Variants in HMCN1 observed in about 807,000 individuals in gnomAD.
HMCN1 encodes hemicentin-1.
Under a neutral mutation model 625.9 loss-of-function variants are expected in HMCN1, and 321 were observed. That is an observed-to-expected ratio of 0.51 (90% confidence interval 0.47 to 0.56). The LOEUF (loss-of-function observed/expected upper bound fraction) is 0.56, where lower values mean the gene tolerates loss of function less well. Among genes scored for constraint, HMCN1 ranks in the 20% least tolerant of loss-of-function variants. The probability of loss-of-function intolerance (pLI) is 0.00; values close to 1 mark genes in which losing one functional copy is unlikely to be tolerated. For synonymous variants in HMCN1, 2,425 were observed against 2,417.6 expected (o/e 1.00, Z -0.09); for missense variants, 6,588 against 6,887.3 (o/e 0.96, Z 1.54).
At chr1:185,891,266 A>G (rs1461132824) in intron 4 of HMCN1, among the ~76,000 whole-genome samples, 5 of 138,874 alleles carry the variant, frequency 3.6e-5, no homozygotes, top group African/African-American at 6.4e-5. Flanking sequence ...TCTTTATCCA[A>G]TTTGCCAGTC....
chr1:186,152,943 A>G, intron 96 of HMCN1, 72 bp downstream of exon 96: 1 of 1,577,070 alleles, frequency 6.3e-7, no homozygotes, highest in Non-Finnish European at 8.7e-7. Context: ...TAGAATGAGC[A>G]CAGATAACTT....
At chr1:186,033,064 GCA>G (rs61063202) in intron 36 of HMCN1, among the ~76,000 whole-genome samples, 16,835 of 139,548 alleles carry the variant, frequency 0.12, 1,747 homozygotes, top group African/African-American at 0.29. Flanking sequence ...ATACACACAC[GCA>G]CACACACACA....
chr1:186,078,591 T>C (rs949673304), intron 55 of HMCN1, among the ~76,000 whole-genome samples: 1 of 152,200 alleles, frequency 6.6e-6, no homozygotes, highest in Non-Finnish European at 1.5e-5. Context: ...GGGAGGGGGA[T>C]CCCCTTGGAT....
At chr1:185,935,665 A>G (rs1667776727) in intron 11 of HMCN1, among the ~76,000 whole-genome samples, 1 of 152,128 alleles carries the variant, frequency 6.6e-6, no homozygotes, top group Non-Finnish European at 1.5e-5. Flanking sequence ...TAGAGGTGTT[A>G]TTTTATGGCC....
intron 46 of HMCN1, among the ~76,000 whole-genome samples, chr1:186,060,203 A>G (rs1007927838): frequency 6.6e-6 from 1 of 152,064 alleles, no homozygotes; most frequent in Admixed American, 6.6e-5. Flanking sequence ...AAAAAGTTCA[A>G]TGTCAGCTTG....
chr1:185,823,938 A>T (rs1660353170), intron 1 of HMCN1, among the ~76,000 whole-genome samples: 1 of 152,124 alleles, frequency 6.6e-6, no homozygotes. Flanking sequence ...AACATATCTG[A>T]GCACTTTGGA....
At chr1:186,178,860 T>A in intron 104 of HMCN1, 94 bp downstream of exon 104, 1 of 888,642 alleles carries the variant, frequency 1.1e-6, no homozygotes, top group Non-Finnish European at 1.9e-6. Flanking sequence ...TGCAGTGAAC[T>A]ACATCTGATC....
chr1:186,045,991 C>CTTTT (rs1453351830), intron 41 of HMCN1, 128 bp downstream of exon 41: 1 of 697,870 alleles, frequency 1.4e-6, no homozygotes, highest in African/African-American at 1.8e-5. Flanking sequence ...TCTAGGAACC[C>CTTTT]TTTTATTGAT....
chr1:185,933,439 A>G (rs1161845421), intron 10 of HMCN1, 110 bp from the exon 11 acceptor site: 2 of 1,046,116 alleles, frequency 1.9e-6, no homozygotes, highest in East Asian at 2.5e-5. Context: ...GTTGCACTGC[A>G]TCTTTCCTAC....
chr1:186,045,797 A>T lies in HMCN1; in HGVS notation c.6414A>T (p.Leu2138Phe). ...DAIPPPTLTW[L>F]KDGHPLLKKP... ...TTCCCCCACCTACTCTTACTTGGTT[A>T]AAAGACGGCCACCCCTTGCTGAAGA... The change falls in exon 41 of 107, where the codon TTA (leucine) becomes TTT (phenylalanine). Residue 2138 changes from leucine (L) to phenylalanine (F), a missense_variant. By Grantham distance (22) the Leu-to-Phe change is conservative (BLOSUM62 0). This residue lies in a region of HMCN1 where 4,628 missense variants were observed against 4,853.1 expected (regional missense o/e 0.95). Coordinates refer to ENST00000271588, the MANE Select transcript of HMCN1 (RefSeq NM_031935.3). 1 of 1,613,164 alleles carries T rather than the reference A, an allele frequency of 6.2e-7. No homozygotes were observed. The highest frequency in any genetic ancestry group is 8.5e-7 in the Non-Finnish European group (1 of 1,179,298).
intron 71 of HMCN1, among the ~76,000 whole-genome samples, chr1:186,109,556 T>A (rs1031017130): frequency 2.6e-5 from 4 of 152,280 alleles, no homozygotes; most frequent in African/African-American, 4.8e-5. Context: ...GTAAATTGTA[T>A]ATTAGAAGGA....
intron 93 of HMCN1, 142 bp downstream of exon 93, chr1:186,146,065 G>A (rs1028875113): frequency 6.0e-6 from 5 of 833,960 alleles, no homozygotes; most frequent in African/African-American, 1.7e-5. Flanking sequence ...CTCCTAATTG[G>A]TACAGTTCTG....
At chr1:185,999,419 AT>A (rs941008728) in intron 25 of HMCN1, among the ~76,000 whole-genome samples, 7 of 151,994 alleles carry the variant, frequency 4.6e-5, no homozygotes, top group African/African-American at 1.7e-4. Context: ...AGAGTACATC[AT>A]TTCCATTCAT....
In HMCN1 at chr1:186,112,850, C is replaced by T; in HGVS notation, c.11028C>T (p.Tyr3676=). The change falls in exon 72 of 107, where the codon TAC becomes TAT. Residue 3676 remains tyrosine (Y), a synonymous_variant. Transcript: ENST00000271588. ...TGCGAATCCTATCTGGAGGGAGATACTTGCAAATCAACAATGCTGACCTAG... is the reference window on the plus strand; with the variant it reads ...TGCGAATCCTATCTGGAGGGAGATATTTGCAAATCAACAATGCTGACCTAG... The part of the protein sequence containing the change: ...PRVRILSGGR[Y]LQINNADLGD... 3.7e-6 allele frequency: 6 copies of T among 1,614,192 alleles called. No individual in the cohort carries two copies. Among genetic ancestry groups the T allele is most frequent in the Non-Finnish European group, 5.1e-6 (6 of 1,180,020 alleles).
At chr1:186,007,046 G>A in intron 29 of HMCN1, 82 bp from the exon 30 acceptor site, 7 of 1,030,712 alleles carry the variant, frequency 6.8e-6, no homozygotes, top group South Asian at 6.4e-5. Flanking sequence ...TTTTTAGCCT[G>A]TACTAATGAT....
chr1:186,061,821 T>A, intron 46 of HMCN1, 30 bp from the exon 47 acceptor site: 4 of 1,465,040 alleles, frequency 2.7e-6, no homozygotes, highest in Non-Finnish European at 3.8e-6. Context: ...TCTTTTTAAG[T>A]TATCTTAAAA....
chr1:185,831,914 G>T lies in HMCN1; in HGVS notation c.269-14112G>T, dbSNP rs893007394. ...ACACTATAGAAAGCCTCAACATCTT[G>T]TCAGTTTCTCCTAATTGATTGTATA... On this transcript the variant is annotated intron_variant, in intron 1 of 106. Coordinates refer to ENST00000271588, the MANE Select transcript of HMCN1 (RefSeq NM_031935.3). 2.0e-5 allele frequency among the ~76,000 whole-genome samples: 3 copies of T among 152,198 alleles called. No individual in the cohort carries two copies. In the South Asian group the frequency reaches 6.2e-4, roughly 32 times the overall value.
intron 89 of HMCN1, among the ~76,000 whole-genome samples, chr1:186,138,783 C>G (rs1398182444): frequency 2.0e-5 from 3 of 152,262 alleles, no homozygotes; most frequent in Admixed American, 1.3e-4. Flanking sequence ...TACCCCTGAA[C>G]TCAAGTGAGT....
At chr1:185,832,292 A>C (rs1210519076) in intron 1 of HMCN1, among the ~76,000 whole-genome samples, 2 of 152,110 alleles carry the variant, frequency 1.3e-5, no homozygotes, top group East Asian at 3.9e-4. Context: ...AAACTCTCTC[A>C]AAAAAACAAA....
Sources: allele counts gnomAD v4.1 joint callset (sites outside exome capture counted in the v4.1 genomes callset), GRCh38; gene constraint gnomAD v4.1.1; regional missense constraint gnomAD v4.1.1; transcripts MANE v1.5; gene names NCBI Gene and HGNC (gene_info 2026-07-23, HGNC 2026-07-21).